Variants in MYO1C observed in about 807,000 individuals in gnomAD.
MYO1C encodes the protein myosin IC, also known as unconventional myosin-Ic.
Under a neutral mutation model 150.8 loss-of-function variants are expected in MYO1C, and 104 were observed. The observed-to-expected ratio is 0.69, with a 90% CI of 0.59 to 0.81. MYO1C has a LOEUF of 0.81. MYO1C is among the 30% of genes least tolerant of loss of function. The pLI, the probability that MYO1C is intolerant of heterozygous loss-of-function variation, is 0.00. For missense variants in MYO1C, 1,504 were observed against 1,435.0 expected (o/e 1.05, Z -0.78); for synonymous variants, 663 against 579.9 (o/e 1.14, Z -2.06).
chr17:1,482,394 G>A (rs887542905), intron 5 of MYO1C, 84 bp downstream of exon 5: 3 of 1,232,694 alleles, frequency 2.4e-6, no homozygotes, highest in African/African-American at 3.0e-5. Context: ...GCAGCACCTG[G>A]AATAGTCCCT....
In MYO1C at chr17:1,476,844, G is replaced by GT. The variant is rs1009743096; in HGVS notation, c.1574+660dup. Among the ~76,000 whole-genome samples the GT allele has an allele frequency of 2.6e-3, 371 of 144,946 alleles. 2 individuals are homozygous for GT. The highest frequency in any genetic ancestry group is 6.6e-3 in the Admixed American group (96 of 14,508). On this transcript the variant is annotated intron_variant, in intron 14 of 31. Coordinates refer to ENST00000648651, the MANE Select transcript of MYO1C (RefSeq NM_001080779.2). Reference sequence around the variant, plus strand: ...CCAGGCTACTAGTGTCTTGTTTTTTGTTTTTTTTTTTGGGGTTGAAGTCTC... The same window carrying GT: ...CCAGGCTACTAGTGTCTTGTTTTTTGTTTTTTTTTTTTGGGGTTGAAGTCTC...
intron 17 of MYO1C, chr17:1,472,448 C>T: frequency 3.5e-6 from 2 of 573,842 alleles, no homozygotes; most frequent in South Asian, 4.1e-5. Context: ...ACGAGCCTCA[C>T]TCCAGCCTAA....
rs368938944 is a variant in MYO1C, at chr17:1,484,256, G to A, written c.123C>T (p.Thr41=). ...CCTGCACCCCCACCCGGTCACGGGCGGTGAGCGCACTCTCCATGGTCACCC... is the reference window on the plus strand; with the variant it reads ...CCTGCACCCCCACCCGGTCACGGGCAGTGAGCGCACTCTCCATGGTCACCC... ...GVRVTMESAL[T]ARDRVGVQDF... Residue 41 remains threonine, a synonymous_variant, in exon 2 of 32, where the codon ACC becomes ACT. Coordinates refer to ENST00000648651, the MANE Select transcript of MYO1C (RefSeq NM_001080779.2). The A allele has an allele frequency of 1.1e-4, 171 of 1,612,196 alleles. 1 individual carries two copies. Among genetic ancestry groups the A allele is most frequent in the Non-Finnish European group, 1.3e-4 (153 of 1,179,994 alleles).
chr17:1,478,628 C>A lies in MYO1C; in HGVS notation c.1200G>T (p.Ser400=). The A allele has an allele frequency of 6.2e-7, 1 of 1,614,108 alleles. No homozygotes were observed. Among genetic ancestry groups the A allele is most frequent in the Non-Finnish European group, 8.5e-7 (1 of 1,180,016 alleles). ...FTWLVGKINR[S]LASKDVESPS... ...ACCGAGCCCTCACCTTGGAGGCCAGCGACCTGTTGATCTTCCCGACGAGCC... is the reference window on the plus strand; with the variant it reads ...ACCGAGCCCTCACCTTGGAGGCCAGAGACCTGTTGATCTTCCCGACGAGCC... Residue 400 remains serine (S), a synonymous_variant, in exon 10 of 32, where the codon TCG becomes TCT. Coordinates refer to ENST00000648651, the MANE Select transcript of MYO1C (RefSeq NM_001080779.2). This position sits in a 1 kb window ranked among gnomAD's most constrained non-coding sequence, Gnocchi z 6.3.
At chr17:1,488,712 T>C (rs563623101) in intron 1 of MYO1C, among the ~76,000 whole-genome samples, 35 of 152,274 alleles carry the variant, frequency 2.3e-4, no homozygotes, top group African/African-American at 8.2e-4. Flanking sequence ...CCTGTCGGTG[T>C]CGTGTGATTC....
intron 1 of MYO1C, chr17:1,485,330 CCT>C: frequency 1.3e-6 from 1 of 741,066 alleles, no homozygotes. Context: ...CCGCCGGTGT[CCT>C]CTGACCACGA....
chr17:1,480,379 C>T (rs1025224894), intron 7 of MYO1C, 148 bp downstream of exon 7: 60 of 714,068 alleles, frequency 8.4e-5, no homozygotes, highest in Non-Finnish European at 1.2e-4. Flanking sequence ...ACCCAGGAGG[C>T]GGAGGTTGCA....
In MYO1C at chr17:1,469,624, GGAGT is replaced by G; in HGVS notation, c.2527-14_2527-11del. The G allele has an allele frequency of 1.9e-6, 3 of 1,604,986 alleles. No homozygotes were observed. The South Asian group carries it at 3.3e-5, about 18-fold the overall frequency. On this transcript the variant is annotated splice_polypyrimidine_tract_variant and intron_variant, in intron 24 of 31. Transcript: ENST00000648651. ...GCAGAAGCTCTGAGGCCTAAGGGGA[GGAGT>G]GAGGTCAGAGGTCCTGGACACCCTG...
chr17:1,480,421 C>A, intron 7 of MYO1C, 106 bp downstream of exon 7: 1 of 1,019,590 alleles, frequency 9.8e-7, no homozygotes, highest in Non-Finnish European at 1.5e-6. Flanking sequence ...GCACTCCAGC[C>A]TGGGCAACAA....
At position 1,467,820 on chromosome 17, in the gene MYO1C, C is replaced by T. The variant is rs773725472; in HGVS notation, c.2967+20G>A. ...ACCTCCCCCATCCCCCACCACTCCTCCCCATCCATGAAAAGGCACCTTTTG... is the reference window on the plus strand; with the variant it reads ...ACCTCCCCCATCCCCCACCACTCCTTCCCATCCATGAAAAGGCACCTTTTG... On this transcript the variant is annotated intron_variant, in intron 29 of 31. Coordinates refer to ENST00000648651, the MANE Select transcript of MYO1C (RefSeq NM_001080779.2). 6.6e-7 allele frequency: 1 copy of T among 1,524,474 alleles called. No individual in the cohort carries two copies. Among genetic ancestry groups the T allele is most frequent in the Admixed American group, 1.8e-5 (1 of 55,688 alleles). 94.4% of individuals were successfully genotyped at this position (1,524,474 alleles called of 1,614,324 possible).
chr17:1,470,586 C>T (rs750240363), intron 22 of MYO1C, 35 bp downstream of exon 22: 15 of 1,582,614 alleles, frequency 9.5e-6, no homozygotes, highest in Non-Finnish European at 1.2e-5. Context: ...TGGCCCCAGA[C>T]CCCGCCCCTC....
intron 1 of MYO1C, among the ~76,000 whole-genome samples, chr17:1,487,638 C>A (rs905228786): frequency 2.0e-5 from 3 of 152,190 alleles, no homozygotes; most frequent in African/African-American, 7.2e-5. Flanking sequence ...AGAGGGAGGG[C>A]CGGGCGCGGT....
At chr17:1,471,377 G>A (rs1263066076) in intron 19 of MYO1C, 41 bp from the exon 20 acceptor site, 2 of 1,563,742 alleles carry the variant, frequency 1.3e-6, no homozygotes, top group Non-Finnish European at 8.8e-7. Context: ...CCAGTCAGCA[G>A]CCTGCCCTGG....
chr17:1,485,216 T>G, intron 1 of MYO1C: 1 of 1,176,168 alleles, frequency 8.5e-7, no homozygotes, highest in Non-Finnish European at 1.1e-6. Flanking sequence ...CTGAGATGGA[T>G]CCCTCTTCAA....
intron 25 of MYO1C, 48 bp from the exon 26 acceptor site, chr17:1,468,544 T>A: frequency 2.7e-6 from 4 of 1,464,336 alleles, no homozygotes; most frequent in Non-Finnish European, 3.8e-6. Context: ...GGGAGCACCA[T>A]CTTGGGGGGG....
chr17:1,465,533 T>C lies in MYO1C; in HGVS notation c.*193A>G. The C allele has an allele frequency of 1.9e-6, 1 of 525,008 alleles. No individual in the cohort carries two copies. The highest frequency in any genetic ancestry group is 1.9e-5 in the African/African-American group (1 of 51,364). 32.5% of individuals were successfully genotyped at this position (525,008 alleles called of 1,614,324 possible). On this transcript the variant is annotated 3_prime_UTR_variant, in exon 32 of 32. Transcript: ENST00000648651. ...GCTTTCCTATTGCTGTGGCCCGGCC[T>C]GGCCCACTCCTGGGGTAGCTCCTGG...
chr17:1,474,363 G>A (rs2074359295), intron 17 of MYO1C, among the ~76,000 whole-genome samples: 1 of 151,136 alleles, frequency 6.6e-6, no homozygotes, highest in African/African-American at 2.4e-5. Context: ...GGGAGGTGGA[G>A]GTTGCAGTGA....
At chr17:1,471,395 A>C in intron 19 of MYO1C, 59 bp from the exon 20 acceptor site, 1 of 1,476,620 alleles carries the variant, frequency 6.8e-7, no homozygotes, top group East Asian at 2.3e-5. Context: ...TGGGGACCCC[A>C]ATCAGCTTTC....
Position 1,478,844 on chromosome 17 carries a change from T to G in MYO1C, c.1093-109A>C. 2.6e-6 allele frequency: 4 copies of G among 1,545,498 alleles called. No homozygotes were observed. Among genetic ancestry groups the G allele is most frequent in the Non-Finnish European group, 3.5e-6 (4 of 1,142,214 alleles). ...GCCGCCACCACTCTGCACTCCCAGC[T>G]CCAGCAAGCCTGCAGTATGGGGAGG... On this transcript the variant is annotated intron_variant, in intron 9 of 31. Coordinates refer to ENST00000648651, the MANE Select transcript of MYO1C (RefSeq NM_001080779.2). The surrounding 1 kb of genome is among the most constrained non-coding windows in gnomAD (Gnocchi z 6.3).
Sources: gnomAD v4.1 joint callset for allele counts (sites outside exome capture counted in the v4.1 genomes callset) on GRCh38, gnomAD v4.1.1 for gene constraint, Gnocchi (gnomAD v3.1) non-coding constraint, MANE v1.5 for transcripts, NCBI Gene and HGNC (gene_info 2026-07-23, HGNC 2026-07-21) for gene names.